The following TTC7B variants were observed in gnomAD, a reference collection of about 807,000 sequenced individuals.
TTC7B encodes the protein tetratricopeptide repeat domain 7B.
TTC7B carries 28 observed loss-of-function variants against 106.8 expected under a neutral mutation model. The observed-to-expected ratio is 0.26, with a 90% confidence interval of 0.19 to 0.36. The LOEUF (loss-of-function observed/expected upper bound fraction) is 0.36. Among genes scored for constraint, TTC7B ranks in the 10% least tolerant of loss-of-function variants. The pLI is 1.00. For synonymous variants in TTC7B, 405 were observed against 430.6 expected (o/e 0.94, Z 0.74); for missense variants, 862 against 1,076.4 (o/e 0.80, Z 2.79).
chr14:90,730,159 G>A lies in TTC7B; in HGVS notation c.614C>T (p.Pro205Leu). ...TTCTTGATCGTGGGGAGCAGGGCCA[G>A]GCTTAGGGCTTCTGTTTTGAATATT... ...LSNIQNRSPK[P>L]GPAPHDQELG... The change falls in exon 5 of 20, where the codon CCT becomes CTT. Residue 205 changes from proline to leucine, a missense_variant. Physicochemically the swap from Pro to Leu is moderately conservative, Grantham distance 98 (BLOSUM62 -3). Coordinates refer to ENST00000328459, the MANE Select transcript of TTC7B (RefSeq NM_001010854.2). 1.5e-5 allele frequency: 24 copies of A among 1,611,314 alleles called. No homozygotes were observed. The highest frequency in any genetic ancestry group is 2.0e-5 in the Non-Finnish European group (24 of 1,179,218).
intron 5 of TTC7B, among the ~76,000 whole-genome samples, chr14:90,701,089 C>T (rs1887965527): frequency 6.6e-6 from 1 of 151,818 alleles, no homozygotes; most frequent in African/African-American, 2.4e-5. Context: ...ACCTTGGCCT[C>T]GTTAGCGAAG....
At chr14:90,730,738 C>T (rs1247248595) in intron 4 of TTC7B, among the ~76,000 whole-genome samples, 2 of 152,180 alleles carry the variant, frequency 1.3e-5, no homozygotes, top group Non-Finnish European at 2.9e-5. Flanking sequence ...AGCTTTGCAA[C>T]CTGGTGAGGT....
intron 17 of TTC7B, among the ~76,000 whole-genome samples, chr14:90,610,249 C>T (rs74081235): frequency 0.027 from 4,037 of 152,328 alleles, 183 homozygotes; most frequent in African/African-American, 0.093. Flanking sequence ...AACACACACA[C>T]GACGAGGTGT....
chr14:90,530,263 A>G lies in TTC7B; in HGVS notation c.*11105T>C, dbSNP rs1889252488. On this transcript the variant is annotated 3_prime_UTR_variant, in exon 20 of 20. Coordinates refer to ENST00000328459, the MANE Select transcript of TTC7B (RefSeq NM_001010854.2). ...AGCCTGGGCAATTGAGCGAGACTCC[A>G]TCCCAAAAAACAAAAAAATCTATAC... 6.6e-6 allele frequency: 1 copy of G among 151,872 alleles called. No homozygotes were observed. Among genetic ancestry groups the G allele is most frequent in the Non-Finnish European group, 1.5e-5 (1 of 68,008 alleles). 9.4% of individuals were successfully genotyped at this position (151,872 alleles called of 1,614,324 possible).
chr14:90,633,601 G>A (rs1227211626), intron 15 of TTC7B, among the ~76,000 whole-genome samples: 1 of 152,206 alleles, frequency 6.6e-6, no homozygotes, highest in Non-Finnish European at 1.5e-5. Flanking sequence ...AACACAGTCT[G>A]AGGGCCTGAT....
At position 90,739,910 on chromosome 14, in the gene TTC7B, C is replaced by A. The variant is rs151227655; in HGVS notation, c.576+4882G>T. 5.0e-4 allele frequency among the ~76,000 whole-genome samples: 76 copies of A among 152,322 alleles called. 2 individuals carry two copies. In the South Asian group the frequency reaches 0.011, roughly 22 times the overall value. On this transcript the variant is annotated intron_variant, in intron 4 of 19. Coordinates refer to ENST00000328459, the MANE Select transcript of TTC7B (RefSeq NM_001010854.2). ...TCACTGCACCACTAGAAGCTCCTTG[C>A]AGGGCGGATAACTTTATTTACTGTT...
intron 5 of TTC7B, among the ~76,000 whole-genome samples, chr14:90,701,796 G>GTATATA (rs138397501): frequency 0.033 from 3,915 of 118,840 alleles, 57 homozygotes; most frequent in African/African-American, 0.036. Context: ...GTGTGTGTGT[G>GTATATA]TATATATATA....
At chr14:90,809,491 G>A (rs556593043) in intron 1 of TTC7B, among the ~76,000 whole-genome samples, 6 of 152,350 alleles carry the variant, frequency 3.9e-5, no homozygotes, top group African/African-American at 1.4e-4. Flanking sequence ...GGAAGACAGC[G>A]GTGGAGAATG....
intron 1 of TTC7B, among the ~76,000 whole-genome samples, chr14:90,793,340 A>G (rs1463006273): frequency 6.6e-6 from 1 of 152,028 alleles, no homozygotes; most frequent in Non-Finnish European, 1.5e-5. Context: ...CTTGGCCAAC[A>G]TGGCAAAACC....
intron 18 of TTC7B, among the ~76,000 whole-genome samples, chr14:90,584,663 C>A (rs1308043213): frequency 2.6e-5 from 4 of 151,938 alleles, no homozygotes; most frequent in Non-Finnish European, 4.4e-5. Context: ...ACCTCACCTG[C>A]GCCTGGCAGA....
chr14:90,687,909 G>A (rs1887309199), intron 7 of TTC7B, among the ~76,000 whole-genome samples: 1 of 152,182 alleles, frequency 6.6e-6, no homozygotes. Flanking sequence ...AAATGCAAGG[G>A]TCAACTTAAG....
chr14:90,643,920 A>C lies in TTC7B; in HGVS notation c.1751+128T>G, dbSNP rs924720511. On this transcript the variant is annotated intron_variant, in intron 15 of 19. Coordinates refer to ENST00000328459, the MANE Select transcript of TTC7B (RefSeq NM_001010854.2). Reference sequence around the variant, plus strand: ...TTAATATCAGGAAAAAATAACAGTAAAGGGGATTTTATATTATTGACTGCC... The same window carrying C: ...TTAATATCAGGAAAAAATAACAGTACAGGGGATTTTATATTATTGACTGCC... 2.6e-5 allele frequency: 31 copies of C among 1,179,820 alleles called. No individual in the cohort carries two copies. In the Admixed American group the frequency reaches 6.3e-4, roughly 24 times the overall value. The allele number at this position is 1,179,820 out of a possible 1,614,324, so 73.1% of individuals were successfully genotyped here.
intron 19 of TTC7B, among the ~76,000 whole-genome samples, chr14:90,561,730 G>A (rs905575576): frequency 6.6e-6 from 1 of 152,322 alleles, no homozygotes; most frequent in Admixed American, 6.5e-5. Flanking sequence ...TGATTTTGCT[G>A]AGACCCTTCC....
At chr14:90,692,887 C>T (rs900945253) in intron 6 of TTC7B, among the ~76,000 whole-genome samples, 4 of 151,824 alleles carry the variant, frequency 2.6e-5, no homozygotes. Context: ...ATTTTGAAGG[C>T]CAACTGAGCT....
intron 15 of TTC7B, among the ~76,000 whole-genome samples, chr14:90,637,226 CATT>C (rs1350496936): frequency 2.0e-5 from 3 of 151,486 alleles, no homozygotes; most frequent in South Asian, 4.2e-4. Context: ...GAAAAATAAA[CATT>C]ATGAATTATC....
chr14:90,573,532 TCAG>T (rs1891128031), intron 19 of TTC7B, among the ~76,000 whole-genome samples: 1 of 102,028 alleles, frequency 9.8e-6, no homozygotes, highest in Non-Finnish European at 2.1e-5. Flanking sequence ...ACGGTCTCTC[TCAG>T]CTCACGGTCC....
In TTC7B at chr14:90,759,506, C is replaced by T. The variant is rs1189719607; in HGVS notation, c.446-14584G>A. ...CCCTAAGAATAAAAACTACAGCGGC[C>T]ACCACCACACATTGCAGAGGCGAAA... On this transcript the variant is annotated intron_variant, in intron 3 of 19. Coordinates refer to ENST00000328459, the MANE Select transcript of TTC7B (RefSeq NM_001010854.2). The surrounding 1 kb of genome is among the most constrained non-coding windows in gnomAD (Gnocchi z 4.1). 6.6e-6 allele frequency among the ~76,000 whole-genome samples: 1 copy of T among 152,142 alleles called. No homozygotes were observed. Among genetic ancestry groups the T allele is most frequent in the East Asian group, 1.9e-4 (1 of 5,194 alleles).
In TTC7B at chr14:90,578,436, T is replaced by G. The variant is rs1595174068; in HGVS notation, c.2108-128A>C. On this transcript the variant is annotated intron_variant, in intron 18 of 19. Transcript: ENST00000328459. The surrounding 1 kb of genome is among the most constrained non-coding windows in gnomAD (Gnocchi z 4.7). Reference sequence around the variant, plus strand: ...GGGCGCAGAGCCAGCTGATCCCTGCTCCAAGTGGAAACAGCTGCCGCTGAC... The same window carrying G: ...GGGCGCAGAGCCAGCTGATCCCTGCGCCAAGTGGAAACAGCTGCCGCTGAC... 1 of 942,220 alleles carries G rather than the reference T, an allele frequency of 1.1e-6. No homozygotes were observed. Among genetic ancestry groups the G allele is most frequent in the Middle Eastern group, 3.1e-4 (1 of 3,276 alleles). The allele number at this position is 942,220 out of a possible 1,614,324, so 58.4% of individuals were successfully genotyped here. A position where few individuals can be genotyped will look rare whatever the true frequency, so the allele number is the denominator to read the frequency against.
chr14:90,772,017 AATAT>A (rs548404604), intron 3 of TTC7B, among the ~76,000 whole-genome samples: 2 of 146,760 alleles, frequency 1.4e-5, no homozygotes, highest in African/African-American at 5.0e-5. Flanking sequence ...TAAATAAAGA[AATAT>A]ATATATATTT....
Sources: allele counts gnomAD v4.1 joint callset (sites outside exome capture counted in the v4.1 genomes callset), GRCh38; gene constraint gnomAD v4.1.1; non-coding constraint Gnocchi (gnomAD v3.1); transcripts MANE v1.5; gene names NCBI Gene and HGNC (gene_info 2026-07-23, HGNC 2026-07-21).